The following PPEF1 variants were observed in gnomAD, a reference collection of about 807,000 sequenced individuals.
PPEF1 encodes serine/threonine-protein phosphatase with EF-hands 1.
PPEF1 carries 12 observed loss-of-function variants against 53.3 expected under a neutral mutation model. The ratio of observed to expected loss-of-function variants is 0.23; its 90% CI spans 0.14 to 0.36. The LOEUF is 0.36. Ranked by LOEUF, PPEF1 falls within the 10% of genes least tolerant of loss-of-function variation. The probability of loss-of-function intolerance (pLI) is 1.00; values close to 1 mark genes in which losing one functional copy is unlikely to be tolerated. For missense variants in PPEF1, 334 were observed against 490.4 expected (o/e 0.68, Z 3.01); for synonymous variants, 165 against 176.7 (o/e 0.93, Z 0.52).
chrX:18,712,864 A>G lies in PPEF1; in HGVS notation c.46+5038A>G, dbSNP rs1162451774. On this transcript the variant is annotated intron_variant, in intron 1 of 15. Coordinates refer to ENST00000470157, the MANE Select transcript of PPEF1 (RefSeq NM_001377996.1). Reference sequence around the variant, plus strand: ...TCAAATGCTTTCTCTGCATGTATTGAGATGATCTTGTGGTTTTTGTCCTTT... The same window carrying G: ...TCAAATGCTTTCTCTGCATGTATTGGGATGATCTTGTGGTTTTTGTCCTTT... Among the ~76,000 whole-genome samples, 4 of 112,048 alleles carry G rather than the reference A, an allele frequency of 3.6e-5. No individual in the cohort carries two copies. The Admixed American group carries it at 3.8e-4, about 11-fold the overall frequency.
rs758426144 is a variant in PPEF1 at position 18,780,886 on chromosome X, C to A, written c.726-1480C>A. 1.3e-4 allele frequency among the ~76,000 whole-genome samples: 14 copies of A among 109,588 alleles called. 1 individual carries two copies. The East Asian group carries it at 3.5e-3, about 27-fold the overall frequency. ...TGGCTAACACAGTGAAACCCCGTCT[C>A]TACTAAAAAATACAAAAAAATTAGC... On this transcript the variant is annotated intron_variant, in intron 7 of 15. Transcript: ENST00000470157.
intron 12 of PPEF1, among the ~76,000 whole-genome samples, chrX:18,812,377 T>C (rs2046829089): frequency 8.9e-6 from 1 of 112,513 alleles, no homozygotes; most frequent in Admixed American, 9.5e-5. Flanking sequence ...GTCCTAATTA[T>C]TGTAACTTTA....
intron 11 of PPEF1, among the ~76,000 whole-genome samples, chrX:18,805,404 T>C (rs761214304): frequency 4.3e-4 from 48 of 112,520 alleles, no homozygotes; most frequent in Non-Finnish European, 7.9e-4. Context: ...TTTCAGCTCA[T>C]ACTAACATTC....
At chrX:18,688,104 C>G (rs1929176271) in intron 3 of PPEF1, among the ~76,000 whole-genome samples, 1 of 112,462 alleles carries the variant, frequency 8.9e-6, no homozygotes, top group African/African-American at 3.2e-5. Flanking sequence ...AAAACTTACT[C>G]CAGTTTCCCT....
intron 4 of PPEF1, among the ~76,000 whole-genome samples, chrX:18,693,097 C>T (rs1010154264): frequency 8.9e-6 from 1 of 112,256 alleles, no homozygotes; most frequent in Admixed American, 9.5e-5. Context: ...CAACACTGGG[C>T]TGCGATTTCT....
chrX:18,707,471 A>C (rs993898116), upstream of PPEF1, among the ~76,000 whole-genome samples: 12 of 112,587 alleles, frequency 1.1e-4, no homozygotes, highest in Admixed American at 9.4e-4. Flanking sequence ...AGCAGCCTAT[A>C]GCTGCTCTGT....
At chrX:18,779,716 T>C (rs1399692696) in intron 7 of PPEF1, among the ~76,000 whole-genome samples, 1 of 112,738 alleles carries the variant, frequency 8.9e-6, no homozygotes, top group African/African-American at 3.2e-5. Flanking sequence ...ATTGGTTAGA[T>C]GGTTTAAGAA....
In PPEF1 at chrX:18,770,297, T is replaced by G. The variant is rs1013533596; in HGVS notation, c.559-8713T>G. 9.9e-5 allele frequency among the ~76,000 whole-genome samples: 11 copies of G among 111,426 alleles called. No individual in the cohort carries two copies. In the Admixed American group the frequency reaches 1.1e-3, roughly 11 times the overall value. On this transcript the variant is annotated intron_variant, in intron 6 of 15. Transcript: ENST00000470157. ...TTCCCTTATTACTCTAAGACTAAAG[T>G]GGATTCAAACCCAAACTATATAAAG...
At chrX:18,807,759 A>G (rs1283856107) in intron 12 of PPEF1, among the ~76,000 whole-genome samples, 1 of 110,652 alleles carries the variant, frequency 9.0e-6, no homozygotes, top group Non-Finnish European at 1.9e-5. Context: ...TACTGGGTTC[A>G]AGTGATTCTC....
At chrX:18,704,362 G>A (rs1392588358), upstream of PPEF1, among the ~76,000 whole-genome samples, 1 of 111,269 alleles carries the variant, frequency 9.0e-6, no homozygotes, top group Non-Finnish European at 1.9e-5. Flanking sequence ...CAAAGTTCTC[G>A]GCATGGTGCA....
chrX:18,702,555 C>A (rs1008899392), intron 6 of PPEF1, among the ~76,000 whole-genome samples: 6 of 107,567 alleles, frequency 5.6e-5, no homozygotes, highest in Non-Finnish European at 1.1e-4. Flanking sequence ...AAGAACAACT[C>A]GGGGAGGCTG....
intron 11 of PPEF1, among the ~76,000 whole-genome samples, chrX:18,805,879 C>T (rs952552079): frequency 9.3e-6 from 1 of 107,768 alleles, no homozygotes; most frequent in African/African-American, 3.4e-5. Context: ...CCATATTCTA[C>T]CACAGCCCAA....
At chrX:18,743,446 C>CTTTTTTTTT (rs72264344) in intron 3 of PPEF1, among the ~76,000 whole-genome samples, 31 of 59,321 alleles carry the variant, frequency 5.2e-4, no homozygotes, top group East Asian at 1.3e-3. Context: ...TTCTCTTTTT[C>CTTTTTTTTT]TTTTTTTTTT....
intron 1 of PPEF1, among the ~76,000 whole-genome samples, chrX:18,708,353 T>C (rs758286459): frequency 4.5e-5 from 5 of 112,097 alleles, no homozygotes; most frequent in Non-Finnish European, 7.5e-5. Context: ...TGTTTCTAAA[T>C]AGATGGCATG....
chrX:18,822,255 A>G (rs1269380310), intron 13 of PPEF1, among the ~76,000 whole-genome samples: 1 of 110,561 alleles, frequency 9.0e-6, no homozygotes, highest in African/African-American at 3.3e-5. Context: ...TGTTCTTTGC[A>G]GTGTTCTTCC....
At chrX:18,775,473 C>T (rs1165609375) in intron 6 of PPEF1, among the ~76,000 whole-genome samples, 1 of 111,902 alleles carries the variant, frequency 8.9e-6, no homozygotes, top group Non-Finnish European at 1.9e-5. Context: ...GATCCACCCA[C>T]CTCAGCCTCC....
At chrX:18,789,992 A>C (rs575391777) in intron 10 of PPEF1, among the ~76,000 whole-genome samples, 24 of 112,190 alleles carry the variant, frequency 2.1e-4, no homozygotes, top group African/African-American at 6.8e-4. Context: ...CTAATTCTAA[A>C]AAAGTTTAAC....
chrX:18,744,487 C>T (rs983866669), intron 3 of PPEF1, among the ~76,000 whole-genome samples: 8 of 111,811 alleles, frequency 7.2e-5, no homozygotes, highest in Non-Finnish European at 1.3e-4. Flanking sequence ...TTTCACACAT[C>T]AGCCTCCTCC....
At chrX:18,700,122 G>A (rs1929975856) in intron 5 of PPEF1, 1 of 111,623 alleles carries the variant, frequency 9.0e-6, no homozygotes, top group African/African-American at 3.3e-5. Context: ...TCCCAGATTC[G>A]TGGCTCTGGG....
Sources: gnomAD v4.1 joint callset for allele counts (sites outside exome capture counted in the v4.1 genomes callset) on GRCh38, gnomAD v4.1.1 for gene constraint, MANE v1.5 for transcripts, NCBI Gene and HGNC (gene_info 2026-07-23, HGNC 2026-07-21) for gene names.